Variants in MAML2 observed in about 807,000 individuals in gnomAD.
MAML2 encodes mastermind-like protein 2.
MAML2 carries 22 observed loss-of-function variants against 96.1 expected under a neutral mutation model. The ratio of observed to expected loss-of-function variants is 0.23; its 90% CI spans 0.16 to 0.33. The LOEUF is 0.33. Ranked by LOEUF, MAML2 falls within the 10% of genes least tolerant of loss-of-function variation. The probability of loss-of-function intolerance (pLI) is 1.00; values close to 1 mark genes in which losing one functional copy is unlikely to be tolerated. For missense variants in MAML2, 1,367 were observed against 1,392.4 expected (o/e 0.98, Z 0.29); for synonymous variants, 561 against 521.3 (o/e 1.08, Z -1.04).
chr11:96,335,478 T>C (rs964960440), intron 1 of MAML2, among the ~76,000 whole-genome samples: 8 of 152,206 alleles, frequency 5.3e-5, no homozygotes, highest in African/African-American at 1.9e-4. Context: ...ATCTAGCTAG[T>C]GTGCTTTAAA....
chr11:96,158,754 G>T (rs1763665254), intron 1 of MAML2, among the ~76,000 whole-genome samples: 2 of 152,190 alleles, frequency 1.3e-5, no homozygotes, highest in African/African-American at 4.8e-5. Context: ...TTTACAACAA[G>T]TATTACCCAA....
intron 1 of MAML2, among the ~76,000 whole-genome samples, chr11:96,124,785 G>T (rs1160289860): frequency 6.6e-6 from 1 of 152,166 alleles, no homozygotes; most frequent in African/African-American, 2.4e-5. Context: ...AAGGACCACC[G>T]ATCAGGAAAA....
intron 1 of MAML2, among the ~76,000 whole-genome samples, chr11:96,233,344 CA>C (rs1463583604): frequency 3.5e-5 from 2 of 56,488 alleles, no homozygotes; most frequent in Admixed American, 2.4e-4. Context: ...TTTAAAAATG[CA>C]ACATTTATGT....
chr11:96,191,478 T>TA (rs550697309), intron 1 of MAML2, among the ~76,000 whole-genome samples: 2,069 of 48,802 alleles, frequency 0.042, 104 homozygotes, highest in East Asian at 0.27. Flanking sequence ...AAAATAACAA[T>TA]AATAAAAAAA....
intron 1 of MAML2, among the ~76,000 whole-genome samples, chr11:96,236,643 T>C (rs1310684508): frequency 6.6e-6 from 1 of 151,852 alleles, no homozygotes; most frequent in East Asian, 1.9e-4. Context: ...GAAAGGAGAG[T>C]CTATCAAATG....
chr11:96,149,729 G>A (rs1352409538), intron 1 of MAML2, among the ~76,000 whole-genome samples: 1 of 152,128 alleles, frequency 6.6e-6, no homozygotes, highest in Non-Finnish European at 1.5e-5. Context: ...GTGAGACTCT[G>A]TCTCAAAAAA....
In MAML2 at chr11:96,092,978, G is replaced by A. The variant is rs974803718; in HGVS notation, c.1053C>T (p.Ser351=). 2 of 1,613,750 alleles carry A rather than the reference G, an allele frequency of 1.2e-6. No homozygotes were observed. The highest frequency in any genetic ancestry group is 1.7e-6 in the Non-Finnish European group (2 of 1,179,814). The change falls in exon 2 of 5, where the codon AGC becomes AGT. Residue 351 remains serine, a synonymous_variant. Coordinates refer to ENST00000524717, the MANE Select transcript of MAML2 (RefSeq NM_032427.4). The surrounding 1 kb of genome is among the most constrained non-coding windows in gnomAD (Gnocchi z 4.1). The part of the protein sequence containing the change: ...NIDLGQQSQR[S]TPRPSLPMEK... Reference sequence around the variant, plus strand: ...CCATGGGTAAGGAGGGCCTAGGTGTGCTCCTCTGGCTTTGCTGACCCAAGT... The same window carrying A: ...CCATGGGTAAGGAGGGCCTAGGTGTACTCCTCTGGCTTTGCTGACCCAAGT...
At chr11:96,254,929 C>T (rs1862640371) in intron 1 of MAML2, among the ~76,000 whole-genome samples, 1 of 152,142 alleles carries the variant, frequency 6.6e-6, no homozygotes, top group Non-Finnish European at 1.5e-5. Flanking sequence ...GATTCTCTCA[C>T]CTCAGCCTCC....
At chr11:96,239,119 C>T (rs1460297722) in intron 1 of MAML2, among the ~76,000 whole-genome samples, 4 of 152,370 alleles carry the variant, frequency 2.6e-5, no homozygotes, top group African/African-American at 7.2e-5. Flanking sequence ...TAAATACTCA[C>T]TTTCCTAAAC....
chr11:96,263,776 A>C (rs1460291452), intron 1 of MAML2, among the ~76,000 whole-genome samples: 5 of 152,234 alleles, frequency 3.3e-5, no homozygotes, highest in Non-Finnish European at 7.3e-5. Context: ...TTGAATGGTC[A>C]AAGTGGTTGG....
At chr11:96,316,463 A>G (rs1863634654) in intron 1 of MAML2, among the ~76,000 whole-genome samples, 3 of 152,094 alleles carry the variant, frequency 2.0e-5, no homozygotes, top group Admixed American at 6.5e-5. Flanking sequence ...CAATAAGGCT[A>G]CCATTCATGT....
At chr11:96,171,034 A>C (rs547419749) in intron 1 of MAML2, among the ~76,000 whole-genome samples, 22 of 149,990 alleles carry the variant, frequency 1.5e-4, no homozygotes, top group Admixed American at 2.0e-4. Flanking sequence ...TTTTTTTTTT[A>C]AACTACTGGT....
intron 1 of MAML2, among the ~76,000 whole-genome samples, chr11:96,257,660 T>C (rs1272535543): frequency 2.0e-5 from 3 of 152,074 alleles, no homozygotes; most frequent in Admixed American, 1.3e-4. Flanking sequence ...CTTTTTATCA[T>C]GTGCATATTT....
At chr11:96,035,813 A>G (rs1858702495) in intron 2 of MAML2, among the ~76,000 whole-genome samples, 3 of 152,194 alleles carry the variant, frequency 2.0e-5, no homozygotes, top group Admixed American at 2.0e-4. Context: ...CAGAGAGATG[A>G]AAGGAAGACA....
intron 1 of MAML2, among the ~76,000 whole-genome samples, chr11:96,295,937 AACACACACACACACAC>A (rs56231526): frequency 5.1e-5 from 7 of 137,886 alleles, no homozygotes; most frequent in South Asian, 5.0e-4. Context: ...CAGAACAGTA[AACACACACACACACAC>A]ACACACACAC....
intron 1 of MAML2, among the ~76,000 whole-genome samples, chr11:96,327,384 A>C (rs969847543): frequency 2.0e-5 from 3 of 152,122 alleles, no homozygotes; most frequent in Non-Finnish European, 2.9e-5. Context: ...TGTCTTCTGG[A>C]GAAACTTCCT....
chr11:96,188,907 A>T (rs1433452380), intron 1 of MAML2, among the ~76,000 whole-genome samples: 1 of 150,500 alleles, frequency 6.6e-6, no homozygotes, highest in African/African-American at 2.4e-5. Context: ...TTTGTTCAAC[A>T]TTAAAAAAAA....
chr11:96,087,524 G>A (rs1394822771), intron 2 of MAML2, among the ~76,000 whole-genome samples: 1 of 152,202 alleles, frequency 6.6e-6, no homozygotes. Flanking sequence ...AAATGGTGAA[G>A]AGTCACTTGC....
At chr11:96,321,220 G>A (rs1863695719) in intron 1 of MAML2, among the ~76,000 whole-genome samples, 1 of 152,216 alleles carries the variant, frequency 6.6e-6, no homozygotes, top group African/African-American at 2.4e-5. Context: ...TTGCTAAAGG[G>A]ATGAAGAAAT....
Sources: allele counts gnomAD v4.1 joint callset (sites outside exome capture counted in the v4.1 genomes callset), GRCh38; gene constraint gnomAD v4.1.1; non-coding constraint Gnocchi (gnomAD v3.1); transcripts MANE v1.5; gene names NCBI Gene and HGNC (gene_info 2026-07-23, HGNC 2026-07-21).